Variants in PSME4 observed in about 807,000 individuals in gnomAD.
The protein encoded by PSME4 is proteasome activator subunit 4.
Under a neutral mutation model 253.9 loss-of-function variants are expected in PSME4, and 89 were observed. The observed-to-expected ratio is 0.35, with a 90% CI of 0.30 to 0.42. The LOEUF (loss-of-function observed/expected upper bound fraction) is 0.42. Ranked by LOEUF, PSME4 falls within the 10% of genes least tolerant of loss-of-function variation. The pLI is 1.00. For missense variants in PSME4, 2,014 were observed against 2,195.2 expected (o/e 0.92, Z 1.65); for synonymous variants, 851 against 759.2 (o/e 1.12, Z -1.99).
chr2:53,963,593 C>G (rs1670590046), intron 1 of PSME4, among the ~76,000 whole-genome samples: 2 of 152,078 alleles, frequency 1.3e-5, no homozygotes, highest in African/African-American at 4.8e-5. Flanking sequence ...GAGTCTAAGT[C>G]TTCAAAGGTA....
intron 5 of PSME4, among the ~76,000 whole-genome samples, chr2:53,937,040 T>C (rs1379866006): frequency 1.3e-5 from 2 of 152,214 alleles, no homozygotes; most frequent in African/African-American, 4.8e-5. Context: ...TCTCACAGAT[T>C]AAACTTCTGC....
intron 1 of PSME4, among the ~76,000 whole-genome samples, chr2:53,960,271 C>T (rs753380369): frequency 6.6e-6 from 1 of 151,900 alleles, no homozygotes; most frequent in Non-Finnish European, 1.5e-5. Context: ...TGGTGGCGGG[C>T]GCCTGTAATC....
intron 6 of PSME4, 67 bp from the exon 7 acceptor site, chr2:53,936,228 C>T (rs1422054902): frequency 5.0e-6 from 8 of 1,587,548 alleles, no homozygotes; most frequent in African/African-American, 1.4e-5. Context: ...ATAGTCACAC[C>T]CCTCCTCCAT....
chr2:53,921,937 C>G (rs898087104), intron 17 of PSME4, among the ~76,000 whole-genome samples: 4 of 151,172 alleles, frequency 2.6e-5, no homozygotes, highest in African/African-American at 9.7e-5. Flanking sequence ...CTTTGGGAGG[C>G]TGAGGCAGGC....
At chr2:53,897,270 A>T (rs1248315483) in intron 31 of PSME4, among the ~76,000 whole-genome samples, 2 of 151,378 alleles carry the variant, frequency 1.3e-5, no homozygotes, top group South Asian at 4.2e-4. Context: ...CCCGGGTTCA[A>T]GCGATTCTAC....
chr2:53,903,311 C>CA (rs1206095528), intron 27 of PSME4, among the ~76,000 whole-genome samples: 1 of 152,156 alleles, frequency 6.6e-6, no homozygotes, highest in Non-Finnish European at 1.5e-5. Flanking sequence ...ATGTGCCCAG[C>CA]AACTAGTTGT....
At chr2:53,868,696 TA>T (rs1322116024) in intron 44 of PSME4, among the ~76,000 whole-genome samples, 1 of 149,566 alleles carries the variant, frequency 6.7e-6, no homozygotes, top group Non-Finnish European at 1.5e-5. Flanking sequence ...CTTTATGACA[TA>T]ATTAAGACAC....
chr2:53,871,980 C>T (rs1404463692), intron 43 of PSME4, among the ~76,000 whole-genome samples: 1 of 152,138 alleles, frequency 6.6e-6, no homozygotes, highest in Non-Finnish European at 1.5e-5. Flanking sequence ...CACCACTGCA[C>T]TCCCGCCTGG....
intron 9 of PSME4, 126 bp downstream of exon 9, chr2:53,932,542 G>T: frequency 1.4e-6 from 1 of 727,828 alleles, no homozygotes; most frequent in South Asian, 1.7e-5. Context: ...TTAAATGTAA[G>T]CATTTACATA....
intron 20 of PSME4, among the ~76,000 whole-genome samples, chr2:53,915,853 T>C (rs1288504485): frequency 1.3e-5 from 2 of 152,020 alleles, no homozygotes; most frequent in Non-Finnish European, 2.9e-5. Context: ...GGTGGATCAC[T>C]TGAGGTCAGG....
chr2:53,941,033 T>A (rs1012147907), intron 3 of PSME4, among the ~76,000 whole-genome samples: 2 of 124,528 alleles, frequency 1.6e-5, no homozygotes, highest in Non-Finnish European at 3.4e-5. Context: ...TGTCTCCACC[T>A]GACACTTTCT....
At chr2:53,957,789 C>T (rs1670302576) in intron 1 of PSME4, among the ~76,000 whole-genome samples, 1 of 152,140 alleles carries the variant, frequency 6.6e-6, no homozygotes, top group African/African-American at 2.4e-5. Flanking sequence ...CTCCTGATGA[C>T]AGTATATAGT....
At chr2:53,960,040 C>A (rs1291005509) in intron 1 of PSME4, among the ~76,000 whole-genome samples, 2 of 152,152 alleles carry the variant, frequency 1.3e-5, no homozygotes, top group African/African-American at 4.8e-5. Context: ...AGAAAGCTGT[C>A]ATCACTTAAG....
At chr2:53,873,462 A>T (rs1376037613) in intron 43 of PSME4, among the ~76,000 whole-genome samples, 2 of 152,190 alleles carry the variant, frequency 1.3e-5, no homozygotes, top group African/African-American at 4.8e-5. Context: ...AGTCCATAAA[A>T]TAAGCAAAAT....
rs921538117 is a variant in PSME4, at chr2:53,887,235, T to G, written c.4729+24A>C. The G allele has an allele frequency of 2.5e-6, 4 of 1,578,540 alleles. No individual in the cohort carries two copies. In the African/African-American group the frequency reaches 5.4e-5, roughly 21 times the overall value. ...AATCAAATAGATGTTTTCAACTGAGTTTCTACTAATTTTATCCACTCACTG... is the reference window on the plus strand; with the variant it reads ...AATCAAATAGATGTTTTCAACTGAGGTTCTACTAATTTTATCCACTCACTG... On this transcript the variant is annotated intron_variant, in intron 40 of 46. Transcript: ENST00000404125.
At chr2:53,870,943 T>A (rs1678849136) in intron 43 of PSME4, 1 of 152,168 alleles carries the variant, frequency 6.6e-6, no homozygotes, top group Admixed American at 6.5e-5. Context: ...GCCTGCAGTA[T>A]ATTTTCTTAG....
chr2:53,916,281 C>T (rs148642718), intron 20 of PSME4, among the ~76,000 whole-genome samples: 3 of 149,960 alleles, frequency 2.0e-5, no homozygotes, highest in East Asian at 3.9e-4. Flanking sequence ...TTGCTATGTG[C>T]GTCTAAAAAC....
intron 9 of PSME4, among the ~76,000 whole-genome samples, 184 bp downstream of exon 9, chr2:53,932,484 T>A (rs1668878179): frequency 6.6e-6 from 1 of 152,296 alleles, no homozygotes; most frequent in Middle Eastern, 3.4e-3. Context: ...AGTTACCACA[T>A]CAATATTATT....
chr2:53,901,323 C>G lies in PSME4; in HGVS notation c.3285+27G>C, dbSNP rs1392464836. 5.7e-6 allele frequency: 9 copies of G among 1,565,372 alleles called. No homozygotes were observed. The Admixed American group carries it at 1.5e-4, about 26-fold the overall frequency. The stretch of plus-strand genomic sequence containing the variant: ...TAACAAGACAGGATTTACACTAAAA[C>G]TTGAATGAAAGAATGATATTGCTTA... On this transcript the variant is annotated intron_variant, in intron 28 of 46. Transcript: ENST00000404125.
Sources: allele counts gnomAD v4.1 joint callset (sites outside exome capture counted in the v4.1 genomes callset), GRCh38; gene constraint gnomAD v4.1.1; transcripts MANE v1.5; gene names NCBI Gene and HGNC (gene_info 2026-07-23, HGNC 2026-07-21).